ERCC4: variants seen among roughly 807,000 people sequenced by gnomAD.
ERCC4 encodes ERCC excision repair 4, endonuclease catalytic subunit.
ERCC4 carries 65 observed loss-of-function variants against 76.9 expected under a neutral mutation model. The observed-to-expected ratio is 0.84, with a 90% CI of 0.69 to 1.04. The LOEUF (loss-of-function observed/expected upper bound fraction) is 1.04, where lower values mean the gene tolerates loss of function less well. Ranked by LOEUF, ERCC4 falls within the 50% of genes least tolerant of loss-of-function variation. The probability of loss-of-function intolerance (pLI) is 0.00; values close to 1 mark genes in which losing one functional copy is unlikely to be tolerated. For missense variants in ERCC4, 1,214 were observed against 1,128.2 expected, an observed-to-expected ratio of 1.08 and a Z score of -1.09; for synonymous variants, 463 against 410.1, an observed-to-expected ratio of 1.13 and a Z score of -1.56.
chr16:13,933,784 C>A (rs3136138), intron 6 of ERCC4: 1 of 160,248 alleles, frequency 6.2e-6, no homozygotes, highest in Admixed American at 6.2e-5. Context: ...CGTATAGGAA[C>A]AAAAAATTTA....
chr16:13,935,024 A>G (rs546151266), intron 7 of ERCC4, 122 bp from the exon 8 acceptor site: 1 of 798,640 alleles, frequency 1.3e-6, no homozygotes, highest in East Asian at 2.5e-5. Context: ...TAGTTTGTAA[A>G]TTGTGGATCT....
chr16:13,922,620 A>G (rs2032000264), intron 2 of ERCC4: 2 of 599,878 alleles, frequency 3.3e-6, no homozygotes, highest in East Asian at 6.2e-5. Context: ...TGCAGCAAAT[A>G]GGCTGCACAT....
At chr16:13,930,669 TTAACA>T in intron 4 of ERCC4, 36 bp from the exon 5 acceptor site, 1 of 1,392,366 alleles carries the variant, frequency 7.2e-7, no homozygotes, top group South Asian at 1.2e-5. Context: ...ATAACTATAC[TTAACA>T]TATTTTAGCA....
chr16:13,928,143 A>C lies in ERCC4; in HGVS notation c.700A>C (p.Asn234His), dbSNP rs368218302. 33 of 1,613,134 alleles carry C rather than the reference A, an allele frequency of 2.0e-5. No individual in the cohort carries two copies. The highest frequency in any genetic ancestry group is 2.7e-5 in the Non-Finnish European group (32 of 1,179,310). Residue 234 changes from asparagine to histidine, a missense_variant, in exon 4 of 11, where the codon AAT becomes CAT. Coordinates refer to ENST00000311895, the MANE Select transcript of ERCC4 (RefSeq NM_005236.3). ...ACAGACTGCTATACTGGACATTTTA[A>C]ATGCATGTCTAAAGGAACTAAAATG... is the stretch of plus-strand genomic sequence containing the variant. ...AIQTAILDIL[N>H]ACLKELKCHN...
intron 7 of ERCC4, chr16:13,934,917 A>T (rs574691116): frequency 4.2e-6 from 2 of 474,042 alleles, no homozygotes; most frequent in South Asian, 7.4e-5. Context: ...GTACTTTCAT[A>T]AGATTAAATA....
At chr16:13,926,462 G>T (rs1006070415) in intron 2 of ERCC4, 99 bp from the exon 3 acceptor site, 5 of 1,007,098 alleles carry the variant, frequency 5.0e-6, no homozygotes, top group Non-Finnish European at 3.2e-6. Flanking sequence ...GTCTAGAATG[G>T]TGCTTATTCA....
intron 6 of ERCC4, 191 bp downstream of exon 6, chr16:13,932,476 T>C: frequency 1.6e-6 from 1 of 622,440 alleles, no homozygotes; most frequent in East Asian, 2.7e-5. Flanking sequence ...GTGTAATGTA[T>C]GTCGAAGTAT....
Position 13,947,970 on chromosome 16 carries a change from A to C in ERCC4, c.2374A>C (p.Thr792Pro), listed in dbSNP as rs1432394588. The C allele has an allele frequency of 6.2e-7, 1 of 1,613,884 alleles. No homozygotes were observed. The highest frequency in any genetic ancestry group is 1.3e-5 in the African/African-American group (1 of 74,844). Residue 792 changes from threonine to proline, a missense_variant, in exon 11 of 11, where the codon ACA becomes CCA. By Grantham distance (38) the Thr-to-Pro change is conservative. Coordinates refer to ENST00000311895, the MANE Select transcript of ERCC4 (RefSeq NM_005236.3). Reference protein sequence around the residue: ...NDISSKLTLLTLHFPRLRILW... With the variant: ...NDISSKLTLLPLHFPRLRILW... ...CATTAGTTCCAAACTCACTCTTCTT[A>C]CACTTCACTTCCCCAGACTACGGAT...
At position 13,939,509 on chromosome 16, in the gene ERCC4, G is replaced by A. The variant is rs537851650; in HGVS notation, c.1904+1651G>A. Among the ~76,000 whole-genome samples the A allele has an allele frequency of 5.9e-5, 9 of 152,224 alleles. 1 individual carries two copies. The highest frequency in any genetic ancestry group is 7.4e-5 in the Non-Finnish European group (5 of 68,012). ...GCTGATCGGGAGCCGCTTCCCTGAG[G>A]AAATGATATTCAAGCTGATACTAGG... On this transcript the variant is annotated intron_variant, in intron 9 of 10. Coordinates refer to ENST00000311895, the MANE Select transcript of ERCC4 (RefSeq NM_005236.3).
intron 2 of ERCC4, among the ~76,000 whole-genome samples, chr16:13,923,242 A>G (rs2032011819): frequency 6.6e-6 from 1 of 152,196 alleles, no homozygotes; most frequent in Non-Finnish European, 1.5e-5. Flanking sequence ...CATTATATTT[A>G]TGTGTTTGTC....
At position 13,932,034 on chromosome 16, in the gene ERCC4, G is replaced by A. The variant is rs1163766963; in HGVS notation, c.974-123G>A. 4 of 840,804 alleles carry A rather than the reference G, an allele frequency of 4.8e-6. No homozygotes were observed. In the African/African-American group the frequency reaches 6.6e-5, roughly 14 times the overall value. 52.1% of individuals were successfully genotyped at this position (840,804 alleles called of 1,614,324 possible). A position where few individuals can be genotyped will look rare whatever the true frequency, so the allele number is the denominator to read the frequency against. On this transcript the variant is annotated intron_variant, in intron 5 of 10. Transcript: ENST00000311895. Reference sequence around the variant, plus strand: ...CAGCGACAGATCACAGTAGTGGGAGGCGGTGTGGTTGGTAGGAAGACAGGA... The same window carrying A: ...CAGCGACAGATCACAGTAGTGGGAGACGGTGTGGTTGGTAGGAAGACAGGA...
Position 13,928,196 on chromosome 16 carries a change from TTTATC to T in ERCC4, c.756_760del (p.Leu252PhefsTer10). 1 of 1,613,666 alleles carries T rather than the reference TTTATC, an allele frequency of 6.2e-7. No individual in the cohort carries two copies. Among genetic ancestry groups the T allele is most frequent in the Non-Finnish European group, 8.5e-7 (1 of 1,179,750 alleles). ...ATAACCCATCGCTTGAAGTGGAAGA[TTTATC>T]TTTAGAAAATGCTATTGGAAAACCT... On this transcript the variant is annotated frameshift_variant, in exon 4 of 11. Coordinates refer to ENST00000311895, the MANE Select transcript of ERCC4 (RefSeq NM_005236.3). LOFTEE classifies it high-confidence loss of function.
Position 13,950,994 on chromosome 16 carries a change from G to A in ERCC4, c.*2647G>A, listed in dbSNP as rs532153427. The A allele has an allele frequency of 5.2e-6, 1 of 190,892 alleles. No homozygotes were observed. Among genetic ancestry groups the A allele is most frequent in the African/African-American group, 2.3e-5 (1 of 43,078 alleles). The allele number at this position is 190,892 out of a possible 1,614,324, so 11.8% of individuals were successfully genotyped here. A position where few individuals can be genotyped will look rare whatever the true frequency, so the allele number is the denominator to read the frequency against. ...TGAAGACAGGTGCACTGTCTCGTATGTATTTGAATTATGAACAGTAATTTC... is the reference window on the plus strand; with the variant it reads ...TGAAGACAGGTGCACTGTCTCGTATATATTTGAATTATGAACAGTAATTTC... On this transcript the variant is annotated 3_prime_UTR_variant, in exon 11 of 11. Transcript: ENST00000311895.
intron 5 of ERCC4, chr16:13,931,703 G>C (rs1445786078): frequency 6.1e-6 from 1 of 164,054 alleles, no homozygotes; most frequent in African/African-American, 2.4e-5. Flanking sequence ...AAAAGTCAGA[G>C]TGATGCTTAT....
chr16:13,935,122 C>T, intron 7 of ERCC4, 24 bp from the exon 8 acceptor site: 1 of 1,540,466 alleles, frequency 6.5e-7, no homozygotes, highest in Non-Finnish European at 9.0e-7. Context: ...GTAATAGTAA[C>T]ATAATGTTGT....
intron 9 of ERCC4, among the ~76,000 whole-genome samples, chr16:13,941,181 C>G (rs900984223): frequency 1.3e-5 from 2 of 152,084 alleles, no homozygotes; most frequent in Non-Finnish European, 2.9e-5. Flanking sequence ...ATCATGGACT[C>G]TCTCCCACAT....
At chr16:13,934,517 A>T in intron 7 of ERCC4, 1 of 525,574 alleles carries the variant, frequency 1.9e-6, no homozygotes, top group Non-Finnish European at 3.4e-6. Context: ...TGTTCGTTTG[A>T]TGTTGTTTTC....
chr16:13,935,854 T>C, intron 8 of ERCC4, 111 bp downstream of exon 8: 2 of 885,312 alleles, frequency 2.3e-6, no homozygotes, highest in Admixed American at 1.7e-5. Context: ...ATGCTGCTTA[T>C]GTTTATGAAA....
At chr16:13,934,035 T>G in intron 6 of ERCC4, 157 bp from the exon 7 acceptor site, 1 of 578,518 alleles carries the variant, frequency 1.7e-6, no homozygotes, top group Non-Finnish European at 3.1e-6. Context: ...TAAGTAGATC[T>G]TTTTCAGGAA....
Sources: gnomAD v4.1 joint callset for allele counts (sites outside exome capture counted in the v4.1 genomes callset) on GRCh38, gnomAD v4.1.1 for gene constraint, MANE v1.5 for transcripts, NCBI Gene and HGNC (gene_info 2026-07-23, HGNC 2026-07-21) for gene names.